Variants in SNRNP48 observed in about 807,000 individuals in gnomAD.
The protein encoded by SNRNP48 is U11/U12 small nuclear ribonucleoprotein 48 kDa protein.
A neutral mutation model predicts 47.0 loss-of-function variants in SNRNP48; 43 were observed. That is an observed-to-expected ratio of 0.92 (90% confidence interval 0.72 to 1.18). The LOEUF is 1.18. SNRNP48 is among the 50% of genes most tolerant of loss of function. The pLI is 0.00. For missense variants in SNRNP48, 396 were observed against 422.2 expected (o/e 0.94, Z 0.54); for synonymous variants, 138 against 144.0 (o/e 0.96, Z 0.30).
chr6:7,599,443 C>CA (rs1277363235), intron 4 of SNRNP48, among the ~76,000 whole-genome samples: 5 of 152,018 alleles, frequency 3.3e-5, no homozygotes, highest in Non-Finnish European at 5.9e-5. Context: ...TATTTTGCCA[C>CA]AAAAAACCTG....
Position 7,593,792 on chromosome 6 carries a change from C to A in SNRNP48, c.215C>A (p.Ala72Glu). Residue 72 changes from alanine (A) to glutamate (E), a missense_variant, in exon 2 of 9, where the codon GCA (alanine) becomes GAA (glutamate). Coordinates refer to ENST00000342415, the MANE Select transcript of SNRNP48 (RefSeq NM_152551.4). ...CATCACATGCCTAAATCATCTTTGG[C>A]AAAGCACATGGCATCTTGTAGATTG... ...SNHHMPKSSL[A>E]KHMASCRLRK... The A allele has an allele frequency of 6.3e-7, 1 of 1,598,866 alleles. No homozygotes were observed. The highest frequency in any genetic ancestry group is 1.1e-5 in the South Asian group (1 of 87,632).
At chr6:7,596,421 TTACC>T (rs1561712167) in intron 4 of SNRNP48, among the ~76,000 whole-genome samples, 1 of 152,212 alleles carries the variant, frequency 6.6e-6, no homozygotes, top group African/African-American at 2.4e-5. Context: ...TCTGGACAAC[TTACC>T]TTTTTTTCCT....
At position 7,606,034 on chromosome 6, in the gene SNRNP48, T is replaced by C. The variant is rs1760119101; in HGVS notation, c.810T>C (p.Asn270=). 1.3e-6 allele frequency: 2 copies of C among 1,595,040 alleles called. No individual in the cohort carries two copies. Among genetic ancestry groups the C allele is most frequent in the Non-Finnish European group, 1.7e-6 (2 of 1,175,138 alleles). Residue 270 remains asparagine, a synonymous_variant, in exon 8 of 9, where the codon AAT becomes AAC. Transcript: ENST00000342415. ...QEKAEDDAEK[N]EERRSASVDS... ...AACATTCTTTTCTGTGTTTTAGGAA[T>C]GAAGAAAGGCGATCAGCTTCAGTAG...
intron 6 of SNRNP48, among the ~76,000 whole-genome samples, chr6:7,603,240 T>A (rs1455373106): frequency 6.6e-6 from 1 of 152,230 alleles, no homozygotes; most frequent in South Asian, 2.1e-4. Context: ...TGTTTTTATG[T>A]ACTCTAGTAA....
intron 4 of SNRNP48, among the ~76,000 whole-genome samples, chr6:7,597,565 T>G (rs562262839): frequency 3.9e-5 from 6 of 152,310 alleles, no homozygotes; most frequent in African/African-American, 1.4e-4. Flanking sequence ...TAAACAAGCC[T>G]TAGCTCCAAA....
chr6:7,601,126 A>G (rs1397544873), intron 4 of SNRNP48: 1 of 395,110 alleles, frequency 2.5e-6, no homozygotes, highest in African/African-American at 3.6e-5. Context: ...AACATCCATA[A>G]TACATTTTTT....
chr6:7,598,061 G>A (rs1234109821), intron 4 of SNRNP48, among the ~76,000 whole-genome samples: 1 of 151,354 alleles, frequency 6.6e-6, no homozygotes, highest in African/African-American at 2.4e-5. Flanking sequence ...TAGAGACGGG[G>A]TTTCACTGTG....
chr6:7,600,106 T>A (rs1465794726), intron 4 of SNRNP48: 1 of 994,046 alleles, frequency 1.0e-6, no homozygotes, highest in Non-Finnish European at 1.2e-6. Context: ...TAGAATAAAA[T>A]TGATTGACTT....
chr6:7,604,160 T>G (rs1017459223), intron 6 of SNRNP48, among the ~76,000 whole-genome samples: 1 of 152,220 alleles, frequency 6.6e-6, no homozygotes, highest in South Asian at 2.1e-4. Context: ...TTCAAGGCGC[T>G]TACATAGAGC....
At chr6:7,590,459 G>A (rs1452267514) in intron 1 of SNRNP48, 46 bp downstream of exon 1, 3 of 1,266,896 alleles carry the variant, frequency 2.4e-6, no homozygotes, top group African/African-American at 1.5e-5. Context: ...ATCGGCCCGG[G>A]GTCTTCTCTG....
At chr6:7,594,053 A>T (rs1759862667) in intron 2 of SNRNP48, 46 bp from the exon 3 acceptor site, 1 of 1,176,676 alleles carries the variant, frequency 8.5e-7, no homozygotes, top group Non-Finnish European at 1.2e-6. Context: ...GTCTTAAAAT[A>T]GTCAATTATC....
intron 4 of SNRNP48, among the ~76,000 whole-genome samples, chr6:7,597,826 T>TA (rs576799074): frequency 4.9e-4 from 75 of 152,080 alleles, no homozygotes; most frequent in African/African-American, 1.7e-3. Context: ...TTTGAATTCT[T>TA]ACACTATCTT....
intron 7 of SNRNP48, 119 bp downstream of exon 7, chr6:7,605,605 A>AT: frequency 1.1e-6 from 1 of 928,098 alleles, no homozygotes; most frequent in Non-Finnish European, 1.6e-6. Flanking sequence ...AAACTCGTGA[A>AT]AATGCTTTTT....
At chr6:7,601,600 T>C (rs988797291) in intron 5 of SNRNP48, 76 bp downstream of exon 5, 15 of 1,351,564 alleles carry the variant, frequency 1.1e-5, no homozygotes, top group African/African-American at 3.0e-5. Flanking sequence ...ATGATTTAAT[T>C]CTTGGGCCAC....
At position 7,602,761 on chromosome 6, in the gene SNRNP48, CT is replaced by C. The variant is rs1390528735; in HGVS notation, c.717+20del. The C allele has an allele frequency of 7.9e-6, 12 of 1,521,348 alleles. No homozygotes were observed. Among genetic ancestry groups the C allele is most frequent in the Non-Finnish European group, 1.1e-5 (12 of 1,137,852 alleles). The allele number at this position is 1,521,348 out of a possible 1,614,324, so 94.2% of individuals were successfully genotyped here. On this transcript the variant is annotated intron_variant, in intron 6 of 8. Transcript: ENST00000342415. ...TATACTGAGGTAAGTTTTACATAAT[CT>C]TTGTTGATAAGAATTTCCCTTAGGT...
In SNRNP48 at chr6:7,601,350, T is replaced by C. The variant is rs199992195; in HGVS notation, c.421T>C (p.Leu141=). 281 of 1,572,764 alleles carry C rather than the reference T, an allele frequency of 1.8e-4. No homozygotes were observed. Among genetic ancestry groups the C allele is most frequent in the Non-Finnish European group, 2.3e-4 (273 of 1,169,506 alleles). The change falls in exon 5 of 9, where the codon TTG becomes CTG. Residue 141 remains leucine, a synonymous_variant. Transcript: ENST00000342415. ...DCYNQRIYSS[L]PVEVPLNHKR... ...TTTTACTTTAGGAATTTATTCTTCATTGCCTGTTGAAGTTCCTTTGAATCA... is the reference window on the plus strand; with the variant it reads ...TTTTACTTTAGGAATTTATTCTTCACTGCCTGTTGAAGTTCCTTTGAATCA...
intron 4 of SNRNP48, among the ~76,000 whole-genome samples, chr6:7,597,745 C>T (rs1759928430): frequency 6.6e-6 from 1 of 151,662 alleles, no homozygotes; most frequent in Non-Finnish European, 1.5e-5. Flanking sequence ...TTTTCAAAAG[C>T]AAAGAATTAC....
chr6:7,605,252 T>C, intron 6 of SNRNP48, 146 bp from the exon 7 acceptor site: 4 of 611,416 alleles, frequency 6.5e-6, no homozygotes, highest in Non-Finnish European at 1.2e-5. Flanking sequence ...GCCTTTTCTG[T>C]GTTCTCTAAA....
rs1479017702 is a variant in SNRNP48 at position 7,609,014 on chromosome 6, C to G, written c.*141C>G. 5.0e-6 allele frequency: 2 copies of G among 397,532 alleles called. No individual in the cohort carries two copies. The highest frequency in any genetic ancestry group is 9.0e-6 in the Non-Finnish European group (2 of 222,154). The allele number at this position is 397,532 out of a possible 1,614,324, so 24.6% of individuals were successfully genotyped here. On this transcript the variant is annotated 3_prime_UTR_variant, in exon 9 of 9. Coordinates refer to ENST00000342415, the MANE Select transcript of SNRNP48 (RefSeq NM_152551.4). ...TATTTTTTTTATGATCTGTTTAGTGCTTATTATTTTCCAGTAAATATGCTT... is the reference window on the plus strand; with the variant it reads ...TATTTTTTTTATGATCTGTTTAGTGGTTATTATTTTCCAGTAAATATGCTT...
Sources: allele counts gnomAD v4.1 joint callset (sites outside exome capture counted in the v4.1 genomes callset), GRCh38; gene constraint gnomAD v4.1.1; transcripts MANE v1.5; gene names NCBI Gene and HGNC (gene_info 2026-07-23, HGNC 2026-07-21).